CPB1: variants seen among roughly 807,000 people sequenced by gnomAD.
CPB1 encodes the protein carboxypeptidase B.
A neutral mutation model predicts 51.4 loss-of-function variants in CPB1; 53 were observed. The ratio of observed to expected loss-of-function variants is 1.03; its 90% CI spans 0.83 to 1.30. The LOEUF is 1.30. Ranked by LOEUF, CPB1 falls within the 50% of genes most tolerant of loss-of-function variation. The pLI is 0.00. For synonymous variants in CPB1, 189 were observed against 186.9 expected (o/e 1.01, Z -0.09); for missense variants, 494 against 516.2 (o/e 0.96, Z 0.42).
chr3:148,833,142 T>C (rs1467673203), intron 2 of CPB1, among the ~76,000 whole-genome samples: 1 of 152,212 alleles, frequency 6.6e-6, no homozygotes, highest in Non-Finnish European at 1.5e-5. Flanking sequence ...CATGTCTTTA[T>C]ACTTCCTCAC....
chr3:148,839,686 C>T (rs1052298769), intron 3 of CPB1, among the ~76,000 whole-genome samples: 1 of 152,154 alleles, frequency 6.6e-6, no homozygotes, highest in East Asian at 1.9e-4. Context: ...AGAGGATGTC[C>T]CTGACATACT....
chr3:148,859,691 G>T (rs1713692762), intron 10 of CPB1, 124 bp from the exon 11 acceptor site: 2 of 856,018 alleles, frequency 2.3e-6, no homozygotes, highest in African/African-American at 3.4e-5. Flanking sequence ...CAGTTTACTA[G>T]AAAATTGGCC....
intron 10 of CPB1, among the ~76,000 whole-genome samples, chr3:148,858,487 G>A (rs575449536): frequency 5.9e-5 from 9 of 152,072 alleles, no homozygotes; most frequent in East Asian, 3.9e-4. Context: ...CAGGAGAATC[G>A]TTTGAACCTG....
chr3:148,828,784 T>G (rs1712646398), intron 2 of CPB1, among the ~76,000 whole-genome samples: 1 of 152,116 alleles, frequency 6.6e-6, no homozygotes, highest in South Asian at 2.1e-4. Flanking sequence ...ATCTGCTAGC[T>G]TATACACACA....
chr3:148,844,676 G>T lies in CPB1; in HGVS notation c.688-1G>T. On this transcript the variant is annotated splice_acceptor_variant, in intron 7 of 10. Coordinates refer to ENST00000282957, the MANE Select transcript of CPB1 (RefSeq NM_001871.3). LOFTEE classifies it high-confidence loss of function. ...GTCCTAACTATGTAGTCCACTTTCA[G>T]AGCCGATTTTGGAGAAAGACTCGCT... 1 of 1,613,870 alleles carries T rather than the reference G, an allele frequency of 6.2e-7. No individual in the cohort carries two copies. The highest frequency in any genetic ancestry group is 1.6e-4 in the Middle Eastern group (1 of 6,062).
chr3:148,836,959 C>T (rs988252365), intron 3 of CPB1, among the ~76,000 whole-genome samples: 2 of 152,110 alleles, frequency 1.3e-5, no homozygotes, highest in Non-Finnish European at 2.9e-5. Context: ...ACCCTCTTCA[C>T]CAAGACCTGT....
intron 9 of CPB1, among the ~76,000 whole-genome samples, chr3:148,848,403 C>A (rs909984489): frequency 5.3e-5 from 8 of 152,082 alleles, no homozygotes; most frequent in African/African-American, 1.9e-4. Context: ...AACATGATTT[C>A]TTGCATCATA....
At chr3:148,833,589 A>C (rs1482398459) in intron 2 of CPB1, among the ~76,000 whole-genome samples, 1 of 152,152 alleles carries the variant, frequency 6.6e-6, no homozygotes, top group Non-Finnish European at 1.5e-5. Flanking sequence ...CACAGGGAGA[A>C]AGAAAGACCC....
In CPB1 at chr3:148,834,478, A is replaced by G. The variant is rs201469983; in HGVS notation, c.148-20A>G. ...ATCCATTGAATTATAGGTATCCAAT[A>G]TATCTTGTCCTTTATTCAGATTGAC... On this transcript the variant is annotated intron_variant, in intron 2 of 10. Transcript: ENST00000282957. 4.3e-6 allele frequency: 7 copies of G among 1,609,766 alleles called. No individual in the cohort carries two copies. In the African/African-American group the frequency reaches 6.7e-5, roughly 15 times the overall value.
chr3:148,857,324 G>T (rs895402595), intron 9 of CPB1, 133 bp from the exon 10 acceptor site: 8 of 622,922 alleles, frequency 1.3e-5, no homozygotes, highest in South Asian at 4.0e-5. Context: ...AATGAAAATG[G>T]GTCCTGAATA....
chr3:148,832,684 T>G (rs905939653), intron 2 of CPB1, among the ~76,000 whole-genome samples: 1 of 152,218 alleles, frequency 6.6e-6, no homozygotes, highest in African/African-American at 2.4e-5. Flanking sequence ...TAATTCATCA[T>G]TCGCTTTTCA....
intron 5 of CPB1, among the ~76,000 whole-genome samples, chr3:148,841,223 C>T (rs1713071081): frequency 6.6e-6 from 1 of 152,168 alleles, no homozygotes; most frequent in Non-Finnish European, 1.5e-5. Context: ...TAACCACATT[C>T]TTGTAAGCAA....
intron 10 of CPB1, 38 bp downstream of exon 10, chr3:148,857,579 G>A: frequency 1.3e-6 from 2 of 1,521,384 alleles, no homozygotes; most frequent in East Asian, 2.3e-5. Context: ...AGAACCATGT[G>A]CCTAAAAAGC....
In CPB1 at chr3:148,845,582, C is replaced by A; in HGVS notation, c.937C>A (p.Pro313Thr). 6.2e-7 allele frequency: 1 copy of A among 1,613,770 alleles called. No individual in the cohort carries two copies. The highest frequency in any genetic ancestry group is 8.5e-7 in the Non-Finnish European group (1 of 1,179,798). ...CTCGTACTCCCAAATGATGATCTAC[C>A]CTTACTCATATGCTTACAAACTCGG... ...IHSYSQMMIYPYSYAYKLGEN... is the reference protein window; with the variant it reads ...IHSYSQMMIYTYSYAYKLGEN... The change falls in exon 9 of 11, where the codon CCT becomes ACT. Residue 313 changes from proline (P) to threonine (T), a missense_variant. By Grantham distance (38) the Pro-to-Thr change is conservative. Coordinates refer to ENST00000282957, the MANE Select transcript of CPB1 (RefSeq NM_001871.3).
intron 2 of CPB1, among the ~76,000 whole-genome samples, chr3:148,831,497 A>T (rs1158358465): frequency 6.6e-6 from 1 of 152,226 alleles, no homozygotes; most frequent in African/African-American, 2.4e-5. Flanking sequence ...AAAGATCCCC[A>T]ACACCAATAT....
In CPB1 at chr3:148,827,834, T is replaced by A; in HGVS notation, c.11T>A (p.Leu4His). Residue 4 changes from leucine to histidine, a missense_variant, in exon 1 of 11, where the codon CTC (leucine) becomes CAC (histidine). Leu to His is a moderately conservative substitution (Grantham distance 99). Coordinates refer to ENST00000282957, the MANE Select transcript of CPB1 (RefSeq NM_001871.3). ...ACCTGGTCAGACACAATGTTGGCACTCTTGGTTCTGGTGACTGTGGCCCTG... is the reference window on the plus strand; with the variant it reads ...ACCTGGTCAGACACAATGTTGGCACACTTGGTTCTGGTGACTGTGGCCCTG... Reference protein sequence around the residue: MLALLVLVTVALAS... With the variant: MLAHLVLVTVALAS... The A allele has an allele frequency of 6.2e-7, 1 of 1,614,178 alleles. No individual in the cohort carries two copies. Among genetic ancestry groups the A allele is most frequent in the Non-Finnish European group, 8.5e-7 (1 of 1,180,006 alleles).
At chr3:148,830,237 G>A (rs11717064) in intron 2 of CPB1, among the ~76,000 whole-genome samples, 23,089 of 152,064 alleles carry the variant, frequency 0.15, 2,888 homozygotes, top group African/African-American at 0.35. Flanking sequence ...CCCTCTACTC[G>A]CCAGTGAGCC....
rs371908742 is a variant in CPB1 at position 148,827,829 on chromosome 3, G to T, written c.6G>T (p.Leu2Phe). The change falls in exon 1 of 11, where the codon TTG becomes TTT. Residue 2 changes from leucine (L) to phenylalanine (F), a missense_variant. Physicochemically the swap from Leu to Phe is conservative, Grantham distance 22. Transcript: ENST00000282957. ...ACTAGACCTGGTCAGACACAATGTT[G>T]GCACTCTTGGTTCTGGTGACTGTGG... M[L>F]ALLVLVTVAL... 3.7e-6 allele frequency: 6 copies of T among 1,613,986 alleles called. No homozygotes were observed. The African/African-American group carries it at 8.0e-5, about 22-fold the overall frequency.
chr3:148,850,664 G>T (rs114385832), intron 9 of CPB1, among the ~76,000 whole-genome samples: 5,164 of 152,244 alleles, frequency 0.034, 119 homozygotes, highest in Non-Finnish European at 0.05. Flanking sequence ...TATAATGCAA[G>T]ATTATAACTA....
Sources: allele counts gnomAD v4.1 joint callset (sites outside exome capture counted in the v4.1 genomes callset), GRCh38; gene constraint gnomAD v4.1.1; transcripts MANE v1.5; gene names NCBI Gene and HGNC (gene_info 2026-07-23, HGNC 2026-07-21).